Variants in ZNF420 observed in about 807,000 individuals in gnomAD.
ZNF420 encodes the protein ATM and p53-associated KZNF protein.
Under a neutral mutation model 44.7 loss-of-function variants are expected in ZNF420, and 31 were observed. The observed-to-expected ratio is 0.69, with a 90% CI of 0.52 to 0.94. The LOEUF is 0.94. Among genes scored for constraint, ZNF420 ranks in the 40% least tolerant of loss-of-function variants. The pLI, the probability that ZNF420 is intolerant of heterozygous loss-of-function variation, is 0.00. For missense variants in ZNF420, 681 were observed against 827.9 expected (o/e 0.82, Z 2.18); for synonymous variants, 245 against 267.4 (o/e 0.92, Z 0.82).
chr19:37,124,819 C>T (rs929182633), intron 4 of ZNF420, among the ~76,000 whole-genome samples: 1 of 152,026 alleles, frequency 6.6e-6, no homozygotes, highest in African/African-American at 2.4e-5. Flanking sequence ...AGGCACCTGC[C>T]ACCACACCCA....
At chr19:37,019,636 G>T (rs112583084) in intron 1 of ZNF420, among the ~76,000 whole-genome samples, 2 of 151,914 alleles carry the variant, frequency 1.3e-5, no homozygotes, top group Admixed American at 1.3e-4. Flanking sequence ...TTAGCCAGGC[G>T]CAGTGGCATG....
At chr19:37,058,245 G>A (rs1342362789) in intron 1 of ZNF420, among the ~76,000 whole-genome samples, 4 of 152,088 alleles carry the variant, frequency 2.6e-5, no homozygotes, top group Non-Finnish European at 5.9e-5. Context: ...CTGGAACTCT[G>A]GGCTTCCATA....
At chr19:37,083,220 C>T (rs1370369195) in intron 2 of ZNF420, among the ~76,000 whole-genome samples, 3 of 150,174 alleles carry the variant, frequency 2.0e-5, no homozygotes, top group African/African-American at 7.4e-5. Context: ...ATGTGCACTT[C>T]TCTGAAGTAG....
chr19:37,106,146 G>A (rs1300245472), intron 4 of ZNF420, among the ~76,000 whole-genome samples: 1 of 152,178 alleles, frequency 6.6e-6, no homozygotes, highest in African/African-American at 2.4e-5. Flanking sequence ...GATATTGGCT[G>A]TGGGTTTGTC....
intron 4 of ZNF420, among the ~76,000 whole-genome samples, chr19:37,124,841 A>G (rs1252067640): frequency 6.9e-6 from 1 of 145,746 alleles, no homozygotes; most frequent in Non-Finnish European, 1.5e-5. Flanking sequence ...CTGATTTTGT[A>G]TTTTGTTTTT....
chr19:37,101,961 T>A lies in ZNF420; in HGVS notation c.136+10840T>A, dbSNP rs143608551. ...TTAGACAGGTGTACATCTCCCAGCA[T>A]GTCTCTGCACAGATGGGGTAGTTCT... On this transcript the variant is annotated intron_variant, in intron 4 of 4. Coordinates refer to ENST00000337995, the MANE Select transcript of ZNF420 (RefSeq NM_144689.5). Among the ~76,000 whole-genome samples, 941 of 152,292 alleles carry A rather than the reference T, an allele frequency of 6.2e-3. 28 individuals are homozygous for A. The highest frequency in any genetic ancestry group is 0.05 in the East Asian group (257 of 5,172).
At chr19:37,044,206 T>C (rs1967505694) in intron 1 of ZNF420, among the ~76,000 whole-genome samples, 1 of 152,198 alleles carries the variant, frequency 6.6e-6, no homozygotes, top group Admixed American at 6.5e-5. Flanking sequence ...CATCTACTAT[T>C]TACCTCCACA....
chr19:37,101,533 G>A (rs1969776840), intron 4 of ZNF420, among the ~76,000 whole-genome samples: 1 of 152,218 alleles, frequency 6.6e-6, no homozygotes, highest in Non-Finnish European at 1.5e-5. Context: ...TCACAGTCTA[G>A]CTTTGTTTGT....
At chr19:37,101,495 A>T (rs1969774325) in intron 4 of ZNF420, among the ~76,000 whole-genome samples, 1 of 152,202 alleles carries the variant, frequency 6.6e-6, no homozygotes, top group African/African-American at 2.4e-5. Flanking sequence ...ACTCCATCTC[A>T]ATCAATCAAT....
At chr19:37,109,891 T>C (rs1970294087) in intron 4 of ZNF420, 1 of 152,208 alleles carries the variant, frequency 6.6e-6, no homozygotes, top group Admixed American at 6.5e-5. Context: ...TATAGAGTGC[T>C]AGATTAAGTT....
chr19:37,086,073 GT>G (rs1202001197), intron 2 of ZNF420, among the ~76,000 whole-genome samples: 1 of 151,732 alleles, frequency 6.6e-6, no homozygotes, highest in African/African-American at 2.4e-5. Flanking sequence ...AAGTGCTGGG[GT>G]TGCTTACAGG....
chr19:37,118,545 G>A (rs1192290355), intron 4 of ZNF420, among the ~76,000 whole-genome samples: 1 of 152,164 alleles, frequency 6.6e-6, no homozygotes, highest in Non-Finnish European at 1.5e-5. Flanking sequence ...TCAAGGCTGG[G>A]AAGAAACTGC....
At chr19:37,078,334 C>G (rs903514861), upstream of ZNF420, 1 of 152,234 alleles carries the variant, frequency 6.6e-6, no homozygotes. Context: ...GCTAGCCAAG[C>G]GCTGGACTAC....
intron 1 of ZNF420, among the ~76,000 whole-genome samples, chr19:37,069,769 T>G (rs2146452559): frequency 6.6e-6 from 1 of 152,232 alleles, no homozygotes; most frequent in Non-Finnish European, 1.5e-5. Context: ...AGACTGACTG[T>G]ATATAAAATT....
chr19:37,111,215 TC>T (rs1460430842), intron 4 of ZNF420, among the ~76,000 whole-genome samples: 3 of 102,330 alleles, frequency 2.9e-5, no homozygotes, highest in Admixed American at 2.8e-4. Context: ...AGGGATCTAT[TC>T]TATTTATTGC....
intron 1 of ZNF420, among the ~76,000 whole-genome samples, chr19:37,056,909 G>A (rs1967764730): frequency 1.3e-5 from 2 of 152,250 alleles, no homozygotes; most frequent in Non-Finnish European, 2.9e-5. Flanking sequence ...CAGGGTTGCA[G>A]CCAAAGGCCC....
chr19:37,087,290 AAAATAAATAAATAAAT>A (rs367703367), intron 2 of ZNF420, among the ~76,000 whole-genome samples: 1 of 83,466 alleles, frequency 1.2e-5, no homozygotes, highest in African/African-American at 5.7e-5. Flanking sequence ...CTCAAAAAAA[AAAATAAATAAATAAAT>A]AAATAAATAA....
chr19:37,104,785 T>G (rs1344076071), intron 4 of ZNF420, among the ~76,000 whole-genome samples: 3 of 152,194 alleles, frequency 2.0e-5, no homozygotes, highest in Non-Finnish European at 4.4e-5. Context: ...TATGTGTCTG[T>G]TGGCTACATA....
intron 1 of ZNF420, among the ~76,000 whole-genome samples, chr19:37,011,490 A>T (rs916816795): frequency 3.9e-5 from 6 of 152,136 alleles, no homozygotes; most frequent in African/African-American, 1.4e-4. Flanking sequence ...CAGGGAGCCA[A>T]AGGGATTGGG....
Sources: gnomAD v4.1 joint callset for allele counts (sites outside exome capture counted in the v4.1 genomes callset) on GRCh38, gnomAD v4.1.1 for gene constraint, MANE v1.5 for transcripts, NCBI Gene and HGNC (gene_info 2026-07-23, HGNC 2026-07-21) for gene names.